MTMR1: variants seen among roughly 807,000 people sequenced by gnomAD.
The protein encoded by MTMR1 is phosphatidylinositol-3-phosphate phosphatase MTMR1.
Under a neutral mutation model 51.6 loss-of-function variants are expected in MTMR1, and 17 were observed. The observed-to-expected ratio is 0.33, with a 90% CI of 0.23 to 0.49. The LOEUF (loss-of-function observed/expected upper bound fraction) is 0.49. Ranked by LOEUF, MTMR1 falls within the 20% of genes least tolerant of loss-of-function variation. The pLI is 0.99. For missense variants in MTMR1, 386 were observed against 526.9 expected (o/e 0.73, Z 2.62); for synonymous variants, 201 against 205.6 (o/e 0.98, Z 0.19).
In MTMR1 at chrX:150,737,302, G is replaced by T. The variant is rs782045268; in HGVS notation, c.1327G>T (p.Val443Leu). ...AATAGAATCTGGGAAAACATCTGTG[G>T]TGGTGCATTGCAGCGACGGTTGGGA... Reference protein sequence around the residue: ...DKIESGKTSVVVHCSDGWDRT... With the variant: ...DKIESGKTSVLVHCSDGWDRT... Residue 443 changes from valine to leucine, a missense_variant, in exon 12 of 16, where the codon GTG becomes TTG. Val to Leu is a conservative substitution (Grantham distance 32). Coordinates refer to ENST00000445323, the MANE Select transcript of MTMR1 (RefSeq NM_001306144.3). 2.5e-6 allele frequency: 3 copies of T among 1,211,910 alleles called. No individual in the cohort carries two copies. The highest frequency in any genetic ancestry group is 4.3e-5 in the Admixed American group (2 of 46,035).
At chrX:150,718,129 T>G (rs1209738455) in intron 3 of MTMR1, among the ~76,000 whole-genome samples, 1 of 112,685 alleles carries the variant, frequency 8.9e-6, no homozygotes, top group African/African-American at 3.2e-5. Context: ...TTTCCTTAGT[T>G]GTGTACTGTA....
rs58105253 is a variant in MTMR1 at position 150,751,526 on chromosome X, A to G, written c.1680+683A>G. ...TCTCTCAGCAGCCTCCCCACAGTTGACAGTGCCCTCATTCTGTGACCCCAC... is the reference window on the plus strand; with the variant it reads ...TCTCTCAGCAGCCTCCCCACAGTTGGCAGTGCCCTCATTCTGTGACCCCAC... On this transcript the variant is annotated intron_variant, in intron 14 of 15. Coordinates refer to ENST00000445323, the MANE Select transcript of MTMR1 (RefSeq NM_001306144.3). Among the ~76,000 whole-genome samples the G allele has an allele frequency of 4.0e-3, 449 of 110,981 alleles. 2 individuals are homozygous for G. Among genetic ancestry groups the G allele is most frequent in the African/African-American group, 0.013 (403 of 30,490 alleles).
chrX:150,738,825 T>A (rs1421245927), intron 12 of MTMR1, among the ~76,000 whole-genome samples: 1 of 111,830 alleles, frequency 8.9e-6, no homozygotes, highest in Non-Finnish European at 1.9e-5. Flanking sequence ...ATTTTGGGGA[T>A]CACAAGTCAC....
intron 14 of MTMR1, chrX:150,751,359 A>G: frequency 1.8e-5 from 7 of 381,417 alleles, no homozygotes; most frequent in Non-Finnish European, 2.4e-5. Context: ...AACGTGGTCA[A>G]AAGTGAGAAG....
rs1411942345 is a variant in MTMR1, at chrX:150,693,421, A to AGGCG, written c.-100_-97dup. 7.4e-5 allele frequency: 55 copies of AGGCG among 745,622 alleles called. No homozygotes were observed. The highest frequency in any genetic ancestry group is 7.7e-4 in the Middle Eastern group (1 of 1,303). 61.4% of individuals were successfully genotyped at this position (745,622 alleles called of 1,213,427 possible). A position where few individuals can be genotyped will look rare whatever the true frequency, so the allele number is the denominator to read the frequency against. On this transcript the variant is annotated 5_prime_UTR_variant, in exon 1 of 16. Transcript: ENST00000445323. ...GACAGCTAATGGCGGCGGCCGCCTG[A>AGGCG]GGCGGGCGGGCGGTATAGAGCGGGC...
intron 12 of MTMR1, among the ~76,000 whole-genome samples, chrX:150,740,026 A>G (rs782366290): frequency 2.0e-4 from 22 of 111,238 alleles, no homozygotes; most frequent in African/African-American, 4.9e-4. Flanking sequence ...GAACTTTCCA[A>G]TTGTTCTTCC....
chrX:150,712,344 T>G lies in MTMR1; in HGVS notation c.255T>G (p.Val85=), dbSNP rs2041342425. 8 of 1,165,138 alleles carry G rather than the reference T, an allele frequency of 6.9e-6. No individual in the cohort carries two copies. Among genetic ancestry groups the G allele is most frequent in the African/African-American group, 5.3e-5 (3 of 56,258 alleles). The change falls in exon 3 of 16, where the codon GTT becomes GTG. Residue 85 remains valine (V), a splice_region_variant and synonymous_variant. Coordinates refer to ENST00000445323, the MANE Select transcript of MTMR1 (RefSeq NM_001306144.3). ...TSENVSRDYK[V]FRRPDLRALR... ...ATATTCTGTATTTTAACTAACAGGTTTTCAGGAGGCCTGATCTAAGGGTAA... is the reference window on the plus strand; with the variant it reads ...ATATTCTGTATTTTAACTAACAGGTGTTCAGGAGGCCTGATCTAAGGGTAA...
chrX:150,735,539 C>G (rs189542341), intron 10 of MTMR1: 141 of 479,429 alleles, frequency 2.9e-4, no homozygotes, highest in Non-Finnish European at 4.3e-4. Context: ...TTTGGATGAC[C>G]CATCATCTCT....
intron 3 of MTMR1, among the ~76,000 whole-genome samples, chrX:150,713,940 CACAT>C (rs1431609261): frequency 2.7e-5 from 3 of 111,436 alleles, no homozygotes; most frequent in East Asian, 2.8e-4. Context: ...CACACACACA[CACAT>C]ACACATATAT....
At chrX:150,726,039 C>T (rs1557416748) in intron 4 of MTMR1, among the ~76,000 whole-genome samples, 4 of 111,830 alleles carry the variant, frequency 3.6e-5, no homozygotes, top group Non-Finnish European at 7.5e-5. Context: ...GATCCCCAAC[C>T]CATGGGCCGT....
Position 150,693,773 on chromosome X carries a change from C to T in MTMR1, c.146+97C>T, listed in dbSNP as rs1321130144. 1.0e-5 allele frequency: 6 copies of T among 593,203 alleles called. No homozygotes were observed. The Admixed American group carries it at 5.3e-4, about 53-fold the overall frequency. The allele number at this position is 593,203 out of a possible 1,213,427, so 48.9% of individuals were successfully genotyped here. A position where few individuals can be genotyped will look rare whatever the true frequency, so the allele number is the denominator to read the frequency against. ...CCCCTCCCCGCGCGCTGCGCAGGGCCTGGCGGTGGCGGGGTGGGCGGCCCC... is the reference window on the plus strand; with the variant it reads ...CCCCTCCCCGCGCGCTGCGCAGGGCTTGGCGGTGGCGGGGTGGGCGGCCCC... On this transcript the variant is annotated intron_variant, in intron 1 of 15. Coordinates refer to ENST00000445323, the MANE Select transcript of MTMR1 (RefSeq NM_001306144.3).
At chrX:150,724,038 A>G (rs1425273559) in intron 4 of MTMR1, among the ~76,000 whole-genome samples, 4 of 112,301 alleles carry the variant, frequency 3.6e-5, no homozygotes, top group South Asian at 7.3e-4. Context: ...GCTGCAGCAG[A>G]CATACACGTG....
chrX:150,749,261 T>G (rs1557417533), intron 13 of MTMR1, among the ~76,000 whole-genome samples: 2 of 112,522 alleles, frequency 1.8e-5, no homozygotes, highest in African/African-American at 6.5e-5. Context: ...AAAAGCCTGG[T>G]GCTAGTCTAG....
chrX:150,698,680 G>GCGCACACACACA (rs1491104991), intron 1 of MTMR1, among the ~76,000 whole-genome samples: 14 of 62,964 alleles, frequency 2.2e-4, no homozygotes, highest in East Asian at 1.9e-3. Context: ...ACACGCGCGC[G>GCGCACACACACA]CACACACACA....
intron 1 of MTMR1, among the ~76,000 whole-genome samples, chrX:150,694,981 A>G (rs962608196): frequency 2.3e-4 from 26 of 112,284 alleles, no homozygotes; most frequent in African/African-American, 6.5e-4. Context: ...ACCCCCAAAT[A>G]TGCCTCATCT....
At chrX:150,696,838 A>G (rs933046823) in intron 1 of MTMR1, among the ~76,000 whole-genome samples, 1 of 111,924 alleles carries the variant, frequency 8.9e-6, no homozygotes, top group Admixed American at 9.4e-5. Context: ...TTCAGGATCC[A>G]AGGGGAAAAG....
intron 15 of MTMR1, among the ~76,000 whole-genome samples, chrX:150,758,137 C>G: frequency 9.0e-6 from 1 of 111,526 alleles, no homozygotes; most frequent in Non-Finnish European, 1.9e-5. Context: ...CATCTGCTCT[C>G]TCCAGCCCCT....
chrX:150,728,250 A>C (rs782137218), intron 6 of MTMR1, among the ~76,000 whole-genome samples: 2 of 112,749 alleles, frequency 1.8e-5, no homozygotes, highest in South Asian at 7.4e-4. Flanking sequence ...TGTTCAGCAC[A>C]AATGCAACCA....
intron 4 of MTMR1, among the ~76,000 whole-genome samples, chrX:150,726,411 T>A (rs985245019): frequency 9.0e-6 from 1 of 111,639 alleles, no homozygotes; most frequent in African/African-American, 3.3e-5. Context: ...CTCTCACAGG[T>A]CATGGGCTGC....
Sources: allele counts gnomAD v4.1 joint callset (sites outside exome capture counted in the v4.1 genomes callset), GRCh38; gene constraint gnomAD v4.1.1; transcripts MANE v1.5; gene names NCBI Gene and HGNC (gene_info 2026-07-23, HGNC 2026-07-21).